The following HS6ST3 variants were observed in gnomAD, a reference collection of about 807,000 sequenced individuals.
HS6ST3 encodes the protein heparan sulfate 6-O-sulfotransferase 3.
Under a neutral mutation model 36.7 loss-of-function variants are expected in HS6ST3, and 12 were observed. The observed-to-expected ratio is 0.33, with a 90% confidence interval of 0.21 to 0.53. The LOEUF is 0.53. Ranked by LOEUF, HS6ST3 falls within the 20% of genes least tolerant of loss-of-function variation. The pLI, the probability that HS6ST3 is intolerant of heterozygous loss-of-function variation, is 0.95. For missense variants in HS6ST3, 584 were observed against 640.9 expected (o/e 0.91, Z 0.96); for synonymous variants, 240 against 257.5 (o/e 0.93, Z 0.65).
chr13:96,335,981 A>G (rs999047022), intron 1 of HS6ST3, among the ~76,000 whole-genome samples: 1 of 152,186 alleles, frequency 6.6e-6, no homozygotes, highest in East Asian at 1.9e-4. Flanking sequence ...TGGTTAGTTT[A>G]TCAGTATTTT....
intron 1 of HS6ST3, among the ~76,000 whole-genome samples, chr13:96,547,165 CT>C (rs1244224720): frequency 3.3e-5 from 5 of 152,142 alleles, no homozygotes; most frequent in Non-Finnish European, 5.9e-5. Context: ...GGAATAGCTT[CT>C]CTTTTAGGGA....
chr13:96,308,618 G>A (rs572853213), intron 1 of HS6ST3, among the ~76,000 whole-genome samples: 1 of 152,156 alleles, frequency 6.6e-6, no homozygotes, highest in South Asian at 2.1e-4. Flanking sequence ...GGTAATTTCT[G>A]AGGGACCATT....
At chr13:96,153,191 A>G (rs1246066645) in intron 1 of HS6ST3, among the ~76,000 whole-genome samples, 8 of 152,172 alleles carry the variant, frequency 5.3e-5, no homozygotes, top group East Asian at 1.9e-4. Flanking sequence ...TGTCTTGTCT[A>G]TCTTAACATT....
At chr13:96,246,391 G>A (rs2054585160) in intron 1 of HS6ST3, among the ~76,000 whole-genome samples, 1 of 152,118 alleles carries the variant, frequency 6.6e-6, no homozygotes, top group African/African-American at 2.4e-5. Context: ...CTAATAGGTT[G>A]AAACATTGAA....
At chr13:96,731,772 C>CTT (rs914806231) in intron 1 of HS6ST3, among the ~76,000 whole-genome samples, 19 of 152,070 alleles carry the variant, frequency 1.2e-4, no homozygotes, top group African/African-American at 4.6e-4. Flanking sequence ...CCTCTTGCCT[C>CTT]TGACTCCCTG....
chr13:96,197,348 A>G (rs1229165420), intron 1 of HS6ST3, among the ~76,000 whole-genome samples: 1 of 152,200 alleles, frequency 6.6e-6, no homozygotes. Context: ...CACAGGAAAG[A>G]CAGGCCCCCA....
chr13:96,281,442 G>A (rs140300815), intron 1 of HS6ST3, among the ~76,000 whole-genome samples: 25 of 152,202 alleles, frequency 1.6e-4, no homozygotes, highest in Admixed American at 1.5e-3. Flanking sequence ...AACAAAATAG[G>A]TAAAATTGCA....
intron 1 of HS6ST3, among the ~76,000 whole-genome samples, chr13:96,135,076 GA>G (rs2053994723): frequency 6.6e-6 from 1 of 152,130 alleles, no homozygotes; most frequent in Admixed American, 6.5e-5. Context: ...CATTGCTGAA[GA>G]AACTTCTAAA....
intron 1 of HS6ST3, among the ~76,000 whole-genome samples, chr13:96,209,448 T>G (rs2054387782): frequency 6.6e-6 from 1 of 152,206 alleles, no homozygotes; most frequent in Admixed American, 6.5e-5. Context: ...TTCGTTATTG[T>G]TGGCCTCTAG....
intron 1 of HS6ST3, among the ~76,000 whole-genome samples, chr13:96,195,988 A>G (rs1195628629): frequency 6.6e-6 from 1 of 152,156 alleles, no homozygotes; most frequent in African/African-American, 2.4e-5. Flanking sequence ...GAGTTCATAA[A>G]TCCCAGGAAC....
chr13:96,605,545 C>T (rs1235514603), intron 1 of HS6ST3, among the ~76,000 whole-genome samples: 1 of 152,070 alleles, frequency 6.6e-6, no homozygotes, highest in Non-Finnish European at 1.5e-5. Context: ...CATCCACATC[C>T]ATTTTTCTCC....
chr13:96,765,198 G>A (rs572502583), intron 1 of HS6ST3, among the ~76,000 whole-genome samples: 3 of 151,492 alleles, frequency 2.0e-5, no homozygotes, highest in South Asian at 2.1e-4. Flanking sequence ...CTCAGCCTCC[G>A]GAGTAGCTGG....
intron 1 of HS6ST3, among the ~76,000 whole-genome samples, chr13:96,318,355 A>G (rs937122862): frequency 1.7e-4 from 26 of 152,016 alleles, no homozygotes; most frequent in South Asian, 4.2e-4. Flanking sequence ...AACATGGCAA[A>G]ACCCTGTCTT....
intron 1 of HS6ST3, among the ~76,000 whole-genome samples, chr13:96,748,205 G>A (rs796951339): frequency 3.9e-5 from 6 of 152,072 alleles, no homozygotes; most frequent in African/African-American, 1.4e-4. Context: ...CTTTCAAAGC[G>A]CACGTACAAC....
chr13:96,315,128 G>A (rs1294616197), intron 1 of HS6ST3, among the ~76,000 whole-genome samples: 1 of 152,142 alleles, frequency 6.6e-6, no homozygotes, highest in Non-Finnish European at 1.5e-5. Flanking sequence ...ATCAGCTGTA[G>A]AGGAGAAAAT....
intron 1 of HS6ST3, among the ~76,000 whole-genome samples, chr13:96,516,096 T>TAAAC (rs2056071528): frequency 6.6e-6 from 1 of 151,816 alleles, no homozygotes; most frequent in South Asian, 2.1e-4. Flanking sequence ...CAGTCTTGGT[T>TAAAC]TGTCAGCCAG....
chr13:96,479,908 A>G (rs1401443655), intron 1 of HS6ST3, among the ~76,000 whole-genome samples: 2 of 152,026 alleles, frequency 1.3e-5, no homozygotes, highest in Non-Finnish European at 2.9e-5. Flanking sequence ...ATGGCTGGGG[A>G]ATTGGGGTGA....
chr13:96,247,016 A>G lies in HS6ST3; in HGVS notation c.707+155447A>G, dbSNP rs186351135. On this transcript the variant is annotated intron_variant, in intron 1 of 1. Coordinates refer to ENST00000376705, the MANE Select transcript of HS6ST3 (RefSeq NM_153456.4). ...TATTCACATTCTTGTGAGGATGTGT[A>G]GAGATTTAGATAGATTTTAGAGAGA... Among the ~76,000 whole-genome samples, 9 of 152,328 alleles carry G rather than the reference A, an allele frequency of 5.9e-5. No homozygotes were observed. In the East Asian group the frequency reaches 1.5e-3, roughly 26 times the overall value.
chr13:96,251,182 G>A (rs960134767), intron 1 of HS6ST3, among the ~76,000 whole-genome samples: 6 of 151,996 alleles, frequency 3.9e-5, no homozygotes, highest in Non-Finnish European at 5.9e-5. Flanking sequence ...TTAGGTCTTC[G>A]GTAGAATTCA....
Sources: allele counts gnomAD v4.1 joint callset (sites outside exome capture counted in the v4.1 genomes callset), GRCh38; gene constraint gnomAD v4.1.1; transcripts MANE v1.5; gene names NCBI Gene and HGNC (gene_info 2026-07-23, HGNC 2026-07-21).